The following PCDHGB3 variants were observed in gnomAD, a reference collection of about 807,000 sequenced individuals.
PCDHGB3 encodes protocadherin gamma subfamily B, 3.
PCDHGB3 carries 40 observed loss-of-function variants against 59.2 expected under a neutral mutation model. The observed-to-expected ratio is 0.68, with a 90% CI of 0.52 to 0.88. PCDHGB3 has a LOEUF of 0.88. PCDHGB3 is among the 40% of genes least tolerant of loss of function. The pLI, the probability that PCDHGB3 is intolerant of heterozygous loss-of-function variation, is 0.00. For synonymous variants in PCDHGB3, 581 were observed against 503.6 expected (o/e 1.15, Z -2.06); for missense variants, 1,309 against 1,187.9 (o/e 1.10, Z -1.50).
At chr5:141,418,568 G>A (rs769914679) in intron 1 of PCDHGB3, 62 of 1,613,902 alleles carry the variant, frequency 3.8e-5, no homozygotes, top group Non-Finnish European at 5.2e-5. Context: ...AGATGCCAAT[G>A]ACAACCCCCC....
At chr5:141,392,980 C>T (rs1327544903) in intron 1 of PCDHGB3, 1 of 1,613,716 alleles carries the variant, frequency 6.2e-7, no homozygotes, top group Non-Finnish European at 8.5e-7. Context: ...GGGCTGGACC[C>T]CCGGAAGCTG....
At position 141,370,699 on chromosome 5, in the gene PCDHGB3, G is replaced by T; in HGVS notation, c.305G>T (p.Cys102Phe). The stretch of plus-strand genomic sequence containing the variant: ...GAGATTTGTGGCAAGAAGTCGACGT[G>T]TGTTCTGGAATTTGAAATGGTTGCT... ...REEICGKKST[C>F]VLEFEMVAEK... Residue 102 changes from cysteine to phenylalanine, a missense_variant, in exon 1 of 4, where the codon TGT (cysteine) becomes TTT (phenylalanine). Physicochemically the swap from Cys to Phe is radical, Grantham distance 205. Transcript: ENST00000576222. 1.9e-6 allele frequency: 3 copies of T among 1,613,804 alleles called. No homozygotes were observed. The highest frequency in any genetic ancestry group is 2.5e-6 in the Non-Finnish European group (3 of 1,179,890).
chr5:141,494,076 G>A (rs538740530), intron 1 of PCDHGB3, among the ~76,000 whole-genome samples: 24 of 152,234 alleles, frequency 1.6e-4, no homozygotes, highest in African/African-American at 4.3e-4. Flanking sequence ...ATCCCTCCCC[G>A]CTGCATCCCT....
At chr5:141,393,028 C>T in intron 1 of PCDHGB3, 6 of 1,613,768 alleles carry the variant, frequency 3.7e-6, no homozygotes, top group Non-Finnish European at 5.1e-6. Context: ...AGAGGTAGGA[C>T]GCAGCTCTTT....
intron 1 of PCDHGB3, chr5:141,391,260 A>G (rs2092328802): frequency 1.3e-5 from 2 of 152,128 alleles, no homozygotes; most frequent in African/African-American, 4.8e-5. Flanking sequence ...TGCTTCAGTT[A>G]ATGGCCACTT....
At position 141,486,579 on chromosome 5, in the gene PCDHGB3, G is replaced by A. The variant is rs747583158; in HGVS notation, c.2416-8228G>A. On this transcript the variant is annotated intron_variant, in intron 1 of 3. Coordinates refer to ENST00000576222, the MANE Select transcript of PCDHGB3 (RefSeq NM_018924.5). The surrounding 1 kb of genome is among the most constrained non-coding windows in gnomAD (Gnocchi z 5.0). ...GAGGTGTTTGTTCCTGAGAACAATC[G>A]CCCAGGGGACCTGCTTTGCTCCCTT... is the stretch of plus-strand genomic sequence containing the variant. The A allele has an allele frequency of 5.1e-5, 82 of 1,613,426 alleles. No homozygotes were observed. Among genetic ancestry groups the A allele is most frequent in the South Asian group, 2.2e-4 (20 of 91,084 alleles).
chr5:141,389,389 A>G, intron 1 of PCDHGB3: 1 of 1,613,668 alleles, frequency 6.2e-7, no homozygotes, highest in Non-Finnish European at 8.5e-7. Context: ...CTGTCATCCT[A>G]CGTGTCCATA....
chr5:141,376,307 G>A, intron 1 of PCDHGB3: 1 of 1,614,192 alleles, frequency 6.2e-7, no homozygotes, highest in East Asian at 2.2e-5. Context: ...GCACTTTGTG[G>A]GCGTGGAAGG....
intron 1 of PCDHGB3, chr5:141,423,620 C>G: frequency 6.2e-7 from 1 of 1,608,268 alleles, no homozygotes; most frequent in Non-Finnish European, 8.5e-7. Flanking sequence ...GCTGAAGACT[C>G]AGCTATCATT....
Position 141,417,921 on chromosome 5 carries a change from T to G in PCDHGB3, c.2415+45112T>G, listed in dbSNP as rs771406905. 7.5e-6 allele frequency: 12 copies of G among 1,607,746 alleles called. No homozygotes were observed. The Admixed American group carries it at 1.7e-4, about 23-fold the overall frequency. On this transcript the variant is annotated intron_variant, in intron 1 of 3. Transcript: ENST00000576222. ...CCGCGGCAGGTACTATTTCCTTTGC[T>G]GCTGCCTTTGTTCTACCCCACGCTG...
intron 1 of PCDHGB3, chr5:141,389,146 C>A (rs567517174): frequency 3.7e-6 from 6 of 1,614,000 alleles, no homozygotes; most frequent in South Asian, 3.3e-5. Flanking sequence ...ATAACCGTTA[C>A]GGCAACAGAT....
intron 1 of PCDHGB3, chr5:141,382,822 A>C: frequency 7.6e-7 from 1 of 1,310,696 alleles, no homozygotes; most frequent in Non-Finnish European, 1.1e-6. Context: ...TTCCTAAGAC[A>C]GAGGGGTCCA....
intron 1 of PCDHGB3, chr5:141,382,965 C>A (rs1186922348): frequency 2.5e-6 from 4 of 1,608,612 alleles, no homozygotes; most frequent in Non-Finnish European, 3.4e-6. Context: ...TCCTGGGGAC[C>A]CCCTGGGAAG....
chr5:141,372,816 T>C lies in PCDHGB3; in HGVS notation c.2415+7T>C, dbSNP rs1480093678. The C allele has an allele frequency of 3.2e-6, 5 of 1,580,556 alleles. No homozygotes were observed. In the Admixed American group the frequency reaches 9.1e-5, roughly 29 times the overall value. On this transcript the variant is annotated splice_region_variant and intron_variant, in intron 1 of 3. Transcript: ENST00000576222. ...TTCAGGCAATTTGCAAAAGGTGAGTTTCTTCAAACCTTTCCTTCCATAAAT... is the reference window on the plus strand; with the variant it reads ...TTCAGGCAATTTGCAAAAGGTGAGTCTCTTCAAACCTTTCCTTCCATAAAT...
Position 141,490,351 on chromosome 5 carries a change from T to C in PCDHGB3, c.2416-4456T>C. Reference sequence around the variant, plus strand: ...CACACCAGTGGGCACAGTAGTGGGGTTGTTTAATGTGCGAGACCGGGACTC... The same window carrying C: ...CACACCAGTGGGCACAGTAGTGGGGCTGTTTAATGTGCGAGACCGGGACTC... On this transcript the variant is annotated intron_variant, in intron 1 of 3. Transcript: ENST00000576222. The surrounding 1 kb of genome is among the most constrained non-coding windows in gnomAD (Gnocchi z 5.4). 6.2e-7 allele frequency: 1 copy of C among 1,614,028 alleles called. No individual in the cohort carries two copies. The highest frequency in any genetic ancestry group is 1.3e-5 in the African/African-American group (1 of 74,976).
intron 1 of PCDHGB3, among the ~76,000 whole-genome samples, chr5:141,456,944 C>G (rs1172050038): frequency 6.6e-6 from 1 of 152,138 alleles, no homozygotes; most frequent in Non-Finnish European, 1.5e-5. Context: ...GCCTGGGCAA[C>G]AGAGCAAAAC....
intron 1 of PCDHGB3, chr5:141,410,816 A>G (rs2095424614): frequency 1.8e-6 from 1 of 550,516 alleles, no homozygotes; most frequent in African/African-American, 2.1e-5. Flanking sequence ...TTTGTAAAAT[A>G]ATGTCACCAG....
chr5:141,384,138 AAC>A (rs758587148), intron 1 of PCDHGB3: 5 of 1,612,622 alleles, frequency 3.1e-6, no homozygotes, highest in Non-Finnish European at 4.2e-6. Flanking sequence ...TGGACCGGGA[AAC>A]ACTCTCTTTG....
At position 141,444,152 on chromosome 5, in the gene PCDHGB3, A is replaced by ATTT. The variant is rs747671382; in HGVS notation, c.2416-50621_2416-50619dup. 1.9e-3 allele frequency among the ~76,000 whole-genome samples: 66 copies of ATTT among 33,898 alleles called. 23 individuals are homozygous for ATTT. Among genetic ancestry groups the ATTT allele is most frequent in the African/African-American group, 4.6e-3 (33 of 7,184 alleles). The allele number at this position is 33,898 out of a possible 152,430, so 22.2% of individuals were successfully genotyped here. A position where few individuals can be genotyped will look rare whatever the true frequency, so the allele number is the denominator to read the frequency against. On this transcript the variant is annotated intron_variant, in intron 1 of 3. Transcript: ENST00000576222. Reference sequence around the variant, plus strand: ...GATATGTGTCACTTGTGTGTACTGGATTTTTTTTTTTTTTTTTTTTTTTTT... The same window carrying ATTT: ...GATATGTGTCACTTGTGTGTACTGGATTTTTTTTTTTTTTTTTTTTTTTTTTTT...
Sources: gnomAD v4.1 joint callset for allele counts (sites outside exome capture counted in the v4.1 genomes callset) on GRCh38, gnomAD v4.1.1 for gene constraint, Gnocchi (gnomAD v3.1) non-coding constraint, MANE v1.5 for transcripts, NCBI Gene and HGNC (gene_info 2026-07-23, HGNC 2026-07-21) for gene names.